The following TNS1 variants were observed in gnomAD, a reference collection of about 807,000 sequenced individuals.
The protein encoded by TNS1 is tensin 1, also known as tensin-1.
A neutral mutation model predicts 168.6 loss-of-function variants in TNS1; 62 were observed. The ratio of observed to expected loss-of-function variants is 0.37; its 90% confidence interval spans 0.30 to 0.45. TNS1 has a LOEUF of 0.45. Ranked by LOEUF, TNS1 falls within the 20% of genes least tolerant of loss-of-function variation. The pLI is 1.00. For missense variants in TNS1, 2,240 were observed against 2,339.4 expected (o/e 0.96, Z 0.88); for synonymous variants, 934 against 933.2 (o/e 1.00, Z -0.02).
rs1470973463 is a variant in TNS1, at chr2:217,800,169, A to G, written c.*4290T>C. 6.6e-6 allele frequency: 1 copy of G among 152,270 alleles called. No individual in the cohort carries two copies. The highest frequency in any genetic ancestry group is 6.5e-5 in the Admixed American group (1 of 15,270). 9.4% of individuals were successfully genotyped at this position (152,270 alleles called of 1,614,324 possible). A position where few individuals can be genotyped will look rare whatever the true frequency, so the allele number is the denominator to read the frequency against. On this transcript the variant is annotated 3_prime_UTR_variant, in exon 33 of 33. Coordinates refer to ENST00000682258, the MANE Select transcript of TNS1 (RefSeq NM_001387777.1). The stretch of plus-strand genomic sequence containing the variant: ...TGATGTGCTCTCACACACACGCACA[A>G]ACAAAACACAGACACAGGAGAGTTT...
At chr2:217,891,103 T>C in intron 11 of TNS1, 58 bp from the exon 12 acceptor site, 1 of 1,567,592 alleles carries the variant, frequency 6.4e-7, no homozygotes, top group Non-Finnish European at 8.8e-7. Context: ...AGCCGCTTGT[T>C]TTCCCCACCC....
chr2:218,007,762 C>A (rs1336188288), upstream of TNS1, among the ~76,000 whole-genome samples: 2 of 152,112 alleles, frequency 1.3e-5, no homozygotes, highest in Non-Finnish European at 2.9e-5. Context: ...TGTTGCCTCA[C>A]CCTACCCCTC....
Position 217,847,571 on chromosome 2 carries a change from G to A in TNS1, c.2946C>T (p.Pro982=). The change falls in exon 19 of 33, where the codon CCC becomes CCT. Residue 982 remains proline (P), a synonymous_variant. Transcript: ENST00000682258. ...LLSPKEATSD[P]SRTPEEEPLN... ...ATGGCTCCTCCTCTGGAGTCCGGGA[G>A]GGGTCTGAAGTCGCTTCCTTTGGTG... 1 of 1,497,330 alleles carries A rather than the reference G, an allele frequency of 6.7e-7. No individual in the cohort carries two copies. The highest frequency in any genetic ancestry group is 1.4e-5 in the South Asian group (1 of 70,240). 92.8% of individuals were successfully genotyped at this position (1,497,330 alleles called of 1,614,324 possible).
rs1424165682 is a variant in TNS1 at position 217,948,343 on chromosome 2, G to A, written c.187-28107C>T. The stretch of plus-strand genomic sequence containing the variant: ...TTCCCCCTCCATCACAGAGAAGGAA[G>A]GGCCACATGCCCAGGTCCCAAGGGG... On this transcript the variant is annotated intron_variant, in intron 3 of 32. Coordinates refer to ENST00000682258, the MANE Select transcript of TNS1 (RefSeq NM_001387777.1). The surrounding 1 kb of genome is among the most constrained non-coding windows in gnomAD (Gnocchi z 4.1). Among the ~76,000 whole-genome samples the A allele has an allele frequency of 6.6e-6, 1 of 152,168 alleles. No homozygotes were observed. Among genetic ancestry groups the A allele is most frequent in the Non-Finnish European group, 1.5e-5 (1 of 68,018 alleles).
At chr2:217,838,541 G>A (rs968148546) in intron 19 of TNS1, among the ~76,000 whole-genome samples, 1 of 152,232 alleles carries the variant, frequency 6.6e-6, no homozygotes, top group African/African-American at 2.4e-5. Context: ...AGGAGCTGCA[G>A]GGCAGTGCCT....
At position 217,848,104 on chromosome 2, in the gene TNS1, G is replaced by T; in HGVS notation, c.2413C>A (p.Pro805Thr). 4 of 1,570,332 alleles carry T rather than the reference G, an allele frequency of 2.5e-6. No individual in the cohort carries two copies. In the East Asian group the frequency reaches 6.7e-5, roughly 26 times the overall value. ...AHLESLVASR[P>T]SPQPLAETPI... ...GTCTCTGCCAATGGCTGAGGGCTGGGCCTGCTGGCTACAAGACTCTCCAAG... is the reference window on the plus strand; with the variant it reads ...GTCTCTGCCAATGGCTGAGGGCTGGTCCTGCTGGCTACAAGACTCTCCAAG... Residue 805 changes from proline (P) to threonine (T), a missense_variant, in exon 19 of 33, where the codon CCC becomes ACC. Around this residue, in one of 2 missense-constraint regions of TNS1, gnomAD observed 2,131 missense variants for 2,171.2 expected, o/e 0.98. Coordinates refer to ENST00000682258, the MANE Select transcript of TNS1 (RefSeq NM_001387777.1).
chr2:218,007,358 T>C (rs773303561), upstream of TNS1, among the ~76,000 whole-genome samples: 2 of 152,114 alleles, frequency 1.3e-5, no homozygotes, highest in Non-Finnish European at 2.9e-5. Context: ...CTGAGGCACA[T>C]AGAGGTTCAG....
At chr2:217,849,969 C>G in intron 18 of TNS1, 1 of 985,402 alleles carries the variant, frequency 1.0e-6, no homozygotes, top group Non-Finnish European at 1.2e-6. Context: ...TGTGATAGAA[C>G]CATTCAGAGA....
intron 18 of TNS1, chr2:217,858,488 T>C: frequency 1.0e-6 from 1 of 982,080 alleles, no homozygotes; most frequent in Non-Finnish European, 1.2e-6. Context: ...CAGCAGACAC[T>C]TACCCTCTGG....
At chr2:217,943,327 A>G (rs892468358) in intron 3 of TNS1, among the ~76,000 whole-genome samples, 3 of 152,184 alleles carry the variant, frequency 2.0e-5, no homozygotes, top group African/African-American at 7.2e-5. Flanking sequence ...AGCCAAGGTC[A>G]GACCTCAGGG....
chr2:217,981,841 C>A (rs1426093385), intron 2 of TNS1, among the ~76,000 whole-genome samples: 1 of 152,184 alleles, frequency 6.6e-6, no homozygotes, highest in African/African-American at 2.4e-5. Context: ...TGTCAATCTG[C>A]TGGCCTCTCA....
rs181617613 is a variant in TNS1, at chr2:218,027,138, T to A, written c.156+6682A>T. Among the ~76,000 whole-genome samples, 177 of 152,120 alleles carry A rather than the reference T, an allele frequency of 1.2e-3. 1 individual carries two copies. Among genetic ancestry groups the A allele is most frequent in the Admixed American group, 3.6e-3 (55 of 15,280 alleles). On this transcript the variant is annotated intron_variant, in intron 1 of 1. Transcript: ENST00000649572. ...ACACACACACACACACGCTCATTCT[T>A]GTTTGGCCCAGCCATGTGAGGACAC...
chr2:217,804,558 G>A lies in TNS1; in HGVS notation c.5421C>T (p.Asn1807=), dbSNP rs61740057. The change falls in exon 33 of 33, where the codon AAC becomes AAT. Residue 1807 remains asparagine (N), a synonymous_variant. Transcript: ENST00000682258. ...VARKQGSTTD[N]ACHLFAELDP... is the part of the protein sequence containing the mutation. ...CAAGCTCAGCAAAGAGGTGGCAGGC[G>A]TTGTCCGTGGTGCTGCCCTGCTTCC... 6.1e-3 allele frequency: 9,797 copies of A among 1,614,146 alleles called. 109 individuals carry two copies. Among genetic ancestry groups the A allele is most frequent in the African/African-American group, 0.046 (3,488 of 75,056 alleles).
chr2:217,842,178 C>T (rs2125380335), intron 19 of TNS1: 3 of 700,786 alleles, frequency 4.3e-6, no homozygotes, highest in South Asian at 1.5e-5. Context: ...TGTCCTCAAC[C>T]CCTCGGTGAC....
chr2:217,965,103 G>A (rs13424286), intron 3 of TNS1, among the ~76,000 whole-genome samples: 4,964 of 152,308 alleles, frequency 0.033, 234 homozygotes, highest in South Asian at 0.11. Context: ...AAGGGAACGC[G>A]AACCACAGTC....
At chr2:217,934,616 A>G (rs925929118) in intron 3 of TNS1, among the ~76,000 whole-genome samples, 2 of 152,170 alleles carry the variant, frequency 1.3e-5, no homozygotes, top group Non-Finnish European at 1.5e-5. Flanking sequence ...AATCCTGCCA[A>G]GCGTATCCCC....
In TNS1 at chr2:217,966,306, T is replaced by TGCGC. The variant is rs1467919727; in HGVS notation, c.186+12458_186+12459insGCGC. On this transcript the variant is annotated intron_variant, in intron 3 of 32. Coordinates refer to ENST00000682258, the MANE Select transcript of TNS1 (RefSeq NM_001387777.1). ...GTGTGTGTGTGTGTGTGTGTGTGTG[T>TGCGC]GTGCGCGCGCGCGCGTGTGTAAGGA... is the stretch of plus-strand genomic sequence containing the variant. 2.0e-3 allele frequency among the ~76,000 whole-genome samples: 273 copies of TGCGC among 135,272 alleles called. 1 individual carries two copies. The highest frequency in any genetic ancestry group is 4.9e-3 in the African/African-American group (151 of 31,056). 88.7% of individuals were successfully genotyped at this position (135,272 alleles called of 152,430 possible).
chr2:217,820,709 T>C (rs1351112492), intron 23 of TNS1, among the ~76,000 whole-genome samples: 1 of 152,092 alleles, frequency 6.6e-6, no homozygotes. Flanking sequence ...CCTGAGCTGA[T>C]TGCAACCCTC....
intron 3 of TNS1, among the ~76,000 whole-genome samples, chr2:217,935,846 G>A (rs372563428): frequency 2.0e-5 from 3 of 152,230 alleles, no homozygotes; most frequent in African/African-American, 7.2e-5. Context: ...GCACTGGCAG[G>A]TCAGGTAAGT....
Sources: gnomAD v4.1 joint callset for allele counts (sites outside exome capture counted in the v4.1 genomes callset) on GRCh38, gnomAD v4.1.1 for gene constraint, gnomAD v4.1.1 regional missense constraint, Gnocchi (gnomAD v3.1) non-coding constraint, MANE v1.5 for transcripts, NCBI Gene and HGNC (gene_info 2026-07-23, HGNC 2026-07-21) for gene names.